The following AGBL4 variants were observed in gnomAD, a reference collection of about 807,000 sequenced individuals.
AGBL4 encodes the protein AGBL carboxypeptidase 4.
In AGBL4, 58 loss-of-function variants were observed where a neutral mutation model predicts 66.4. The observed-to-expected ratio is 0.87, with a 90% CI of 0.71 to 1.09. The LOEUF (loss-of-function observed/expected upper bound fraction) is 1.09. Among genes scored for constraint, AGBL4 ranks in the 50% least tolerant of loss-of-function variants. The pLI is 0.00. For missense variants in AGBL4, 579 were observed against 631.0 expected (o/e 0.92, Z 0.88); for synonymous variants, 234 against 222.9 (o/e 1.05, Z -0.44).
chr1:49,258,576 T>G (rs1299739691), intron 3 of AGBL4, among the ~76,000 whole-genome samples: 1 of 151,796 alleles, frequency 6.6e-6, no homozygotes, highest in East Asian at 1.9e-4. Flanking sequence ...ATGAAATGAA[T>G]GAAATGAAGT....
At chr1:49,647,783 T>G (rs1003571437) in intron 3 of AGBL4, among the ~76,000 whole-genome samples, 1 of 151,702 alleles carries the variant, frequency 6.6e-6, no homozygotes, top group African/African-American at 2.4e-5. Flanking sequence ...ACTCTAGACC[T>G]TCTTCCTGAC....
chr1:49,624,705 G>A (rs1645432304), intron 3 of AGBL4, among the ~76,000 whole-genome samples: 1 of 152,112 alleles, frequency 6.6e-6, no homozygotes, highest in Non-Finnish European at 1.5e-5. Flanking sequence ...TGAGGATAGA[G>A]CCAAGAGCTA....
chr1:49,111,609 A>C (rs1211066986), intron 4 of AGBL4, among the ~76,000 whole-genome samples: 1 of 152,220 alleles, frequency 6.6e-6, no homozygotes, highest in Admixed American at 6.5e-5. Context: ...CCATCTTCTA[A>C]CACTAAACAT....
chr1:49,966,106 T>A (rs1156474398), intron 1 of AGBL4, among the ~76,000 whole-genome samples: 1 of 151,982 alleles, frequency 6.6e-6, no homozygotes, highest in Non-Finnish European at 1.5e-5. Context: ...CATGCCTGGC[T>A]AATTTTTTTG....
intron 7 of AGBL4, among the ~76,000 whole-genome samples, chr1:48,657,444 G>A (rs183197506): frequency 6.6e-5 from 10 of 152,286 alleles, no homozygotes; most frequent in Non-Finnish European, 1.0e-4. Flanking sequence ...AGCTCCATCC[G>A]GCTGCAGCGT....
At chr1:49,124,651 T>C (rs1645729593) in intron 4 of AGBL4, among the ~76,000 whole-genome samples, 1 of 152,180 alleles carries the variant, frequency 6.6e-6, no homozygotes, top group Admixed American at 6.5e-5. Context: ...ATGTATCAAA[T>C]AGAGAAAATG....
intron 3 of AGBL4, among the ~76,000 whole-genome samples, chr1:49,497,126 T>C (rs1410892803): frequency 1.3e-5 from 2 of 152,052 alleles, no homozygotes; most frequent in Non-Finnish European, 2.9e-5. Flanking sequence ...CAATTTTTAG[T>C]GAGGTTGAAC....
At chr1:49,649,613 T>C (rs985415399) in intron 3 of AGBL4, among the ~76,000 whole-genome samples, 1 of 152,142 alleles carries the variant, frequency 6.6e-6, no homozygotes, top group African/African-American at 2.4e-5. Context: ...ATCAATATAA[T>C]GGACCATAAA....
chr1:49,895,544 T>C (rs1333197731), intron 1 of AGBL4, among the ~76,000 whole-genome samples: 2 of 151,994 alleles, frequency 1.3e-5, no homozygotes, highest in African/African-American at 4.8e-5. Context: ...CAATAAGATA[T>C]AGCTTTTTTA....
intron 3 of AGBL4, chr1:49,527,353 C>T (rs1466570292): frequency 2.0e-5 from 3 of 152,310 alleles, no homozygotes; most frequent in East Asian, 1.9e-4. Flanking sequence ...AAGCCCTATC[C>T]GTATCAGAAA....
chr1:48,803,696 T>TGG (rs1474088593), intron 6 of AGBL4, among the ~76,000 whole-genome samples: 17 of 152,314 alleles, frequency 1.1e-4, no homozygotes, highest in Admixed American at 8.5e-4. Flanking sequence ...TAGACAAAAC[T>TGG]GGGTTAAAAT....
At chr1:49,139,794 T>C (rs1244171741) in intron 4 of AGBL4, among the ~76,000 whole-genome samples, 1 of 152,156 alleles carries the variant, frequency 6.6e-6, no homozygotes, top group Non-Finnish European at 1.5e-5. Context: ...TTTAATATTC[T>C]TTTTTATTGT....
chr1:48,845,469 A>C (rs1166244643), intron 6 of AGBL4, among the ~76,000 whole-genome samples: 1 of 152,238 alleles, frequency 6.6e-6, no homozygotes, highest in African/African-American at 2.4e-5. Flanking sequence ...CAGTATGCTC[A>C]CCACACTGGA....
chr1:48,801,778 T>C (rs547287840), intron 6 of AGBL4, among the ~76,000 whole-genome samples: 1 of 152,330 alleles, frequency 6.6e-6, no homozygotes, highest in East Asian at 1.9e-4. Context: ...CTTCTTTGCA[T>C]GTTTTTGCAG....
At chr1:49,079,699 C>T (rs1264382301) in intron 4 of AGBL4, among the ~76,000 whole-genome samples, 1 of 152,166 alleles carries the variant, frequency 6.6e-6, no homozygotes, top group Non-Finnish European at 1.5e-5. Flanking sequence ...AGTGTAGGCA[C>T]TACTGGAGAA....
chr1:49,524,690 C>T (rs1650522272), intron 3 of AGBL4, among the ~76,000 whole-genome samples: 1 of 151,970 alleles, frequency 6.6e-6, no homozygotes, highest in Admixed American at 6.6e-5. Context: ...CCATCCCTCT[C>T]TGCCCAGGAA....
intron 1 of AGBL4, among the ~76,000 whole-genome samples, chr1:49,859,924 A>T (rs1022665686): frequency 6.6e-6 from 1 of 152,184 alleles, no homozygotes; most frequent in Admixed American, 6.5e-5. Flanking sequence ...GAAATCAATC[A>T]TATCTCTATA....
At chr1:49,632,062 C>T (rs1645580636) in intron 3 of AGBL4, among the ~76,000 whole-genome samples, 1 of 152,118 alleles carries the variant, frequency 6.6e-6, no homozygotes, top group Non-Finnish European at 1.5e-5. Context: ...ATGTGCAGCA[C>T]TTAGAACTCT....
chr1:49,845,097 G>C (rs1646102354), intron 2 of AGBL4: 2 of 1,460,622 alleles, frequency 1.4e-6, no homozygotes, highest in Non-Finnish European at 1.9e-6. Context: ...AATGCAGAAA[G>C]GCCTTTAGTC....
Sources: allele counts gnomAD v4.1 joint callset (sites outside exome capture counted in the v4.1 genomes callset), GRCh38; gene constraint gnomAD v4.1.1; transcripts MANE v1.5; gene names NCBI Gene and HGNC (gene_info 2026-07-23, HGNC 2026-07-21).